Variants in RBFOX1 observed in about 807,000 individuals in gnomAD.
RBFOX1 encodes RNA binding fox-1 homolog 1, also known as RNA binding protein fox-1 homolog 1.
RBFOX1 carries 8 observed loss-of-function variants against 57.7 expected under a neutral mutation model. The ratio of observed to expected loss-of-function variants is 0.14; its 90% confidence interval spans 0.08 to 0.25. The LOEUF (loss-of-function observed/expected upper bound fraction) is 0.25, where lower values mean the gene tolerates loss of function less well. Ranked by LOEUF, RBFOX1 falls within the 10% of genes least tolerant of loss-of-function variation. The pLI is 1.00. For missense variants in RBFOX1, 611 were observed against 548.5 expected (o/e 1.11, Z -1.14); for synonymous variants, 326 against 222.4 (o/e 1.47, Z -4.15).
intron 15 of RBFOX1, 65 bp downstream of exon 15, chr16:7,709,196 C>T (rs2083457916): frequency 9.0e-6 from 13 of 1,452,170 alleles, no homozygotes; most frequent in African/African-American, 5.6e-5. Flanking sequence ...CAGCTGGGAC[C>T]TCAGTACGGG....
intron 4 of RBFOX1, among the ~76,000 whole-genome samples, chr16:5,994,908 G>C (rs552833219): frequency 1.8e-4 from 27 of 152,298 alleles, no homozygotes; most frequent in Admixed American, 2.6e-4. Context: ...TCAGTGTCAT[G>C]AACAGATCAA....
chr16:5,818,789 A>G (rs910810060), intron 3 of RBFOX1, among the ~76,000 whole-genome samples: 9 of 152,232 alleles, frequency 5.9e-5, no homozygotes, highest in East Asian at 1.9e-4. Context: ...TGAGCATTGG[A>G]TCCCTGTGTC....
At chr16:6,173,840 C>T (rs180781366) in intron 1 of RBFOX1, among the ~76,000 whole-genome samples, 1 of 152,006 alleles carries the variant, frequency 6.6e-6, no homozygotes, top group Admixed American at 6.6e-5. Flanking sequence ...GAACTCCTGG[C>T]CTGAAGTGAT....
At chr16:5,767,416 G>A (rs890595845) in intron 3 of RBFOX1, among the ~76,000 whole-genome samples, 2 of 152,210 alleles carry the variant, frequency 1.3e-5, no homozygotes, top group African/African-American at 2.4e-5. Context: ...AAGGTTGGTA[G>A]CTGAATTGCC....
intron 3 of RBFOX1, among the ~76,000 whole-genome samples, chr16:7,045,481 T>C (rs1308810614): frequency 6.6e-6 from 1 of 152,172 alleles, no homozygotes. Flanking sequence ...TACTGTTGGA[T>C]TTTGCATTGT....
intron 4 of RBFOX1, among the ~76,000 whole-genome samples, chr16:5,961,892 C>A (rs963585224): frequency 6.6e-6 from 1 of 152,076 alleles, no homozygotes; most frequent in South Asian, 2.1e-4. Context: ...GGAGAAACTC[C>A]AAATAACAGT....
At chr16:6,182,962 G>A (rs369218538) in intron 1 of RBFOX1, among the ~76,000 whole-genome samples, 34 of 152,206 alleles carry the variant, frequency 2.2e-4, no homozygotes, top group Admixed American at 3.9e-4. Context: ...AGTATGGGGC[G>A]AAGGATGAAA....
intron 4 of RBFOX1, among the ~76,000 whole-genome samples, chr16:7,096,688 T>G (rs953989188): frequency 1.3e-5 from 2 of 151,868 alleles, no homozygotes; most frequent in Admixed American, 1.3e-4. Context: ...TCCCAGCACT[T>G]TGGGAGGCTG....
Position 7,317,373 on chromosome 16 carries a change from T to C in RBFOX1, c.28-200774T>C, listed in dbSNP as rs138181485. ...AGTGAGTGACAGGCCAGTCTCAGCA[T>C]ATCTTAGGCCAAAGCTCCCAGAGCT... On this transcript the variant is annotated intron_variant, in intron 4 of 15. Coordinates refer to ENST00000550418, the MANE Select transcript of RBFOX1 (RefSeq NM_018723.4). Among the ~76,000 whole-genome samples, 11 of 152,204 alleles carry C rather than the reference T, an allele frequency of 7.2e-5. No individual in the cohort carries two copies. In the East Asian group the frequency reaches 1.9e-3, roughly 27 times the overall value.
At chr16:5,921,035 C>T (rs1235117025) in intron 4 of RBFOX1, among the ~76,000 whole-genome samples, 1 of 152,174 alleles carries the variant, frequency 6.6e-6, no homozygotes, top group Non-Finnish European at 1.5e-5. Flanking sequence ...CTAATTCCTG[C>T]TCCGTCTCTG....
chr16:7,217,378 C>G (rs964427587), intron 4 of RBFOX1, among the ~76,000 whole-genome samples: 2 of 147,866 alleles, frequency 1.4e-5, no homozygotes, highest in East Asian at 2.0e-4. Context: ...TGATGTCCAC[C>G]TTGGCCTCCC....
At chr16:5,620,931 C>T (rs2048182452) in intron 3 of RBFOX1, among the ~76,000 whole-genome samples, 2 of 151,272 alleles carry the variant, frequency 1.3e-5, no homozygotes, top group East Asian at 3.9e-4. Flanking sequence ...AGTTCCGCCT[C>T]CCGGGTTCCT....
chr16:5,704,130 C>G (rs898173077), intron 3 of RBFOX1, among the ~76,000 whole-genome samples: 2 of 152,104 alleles, frequency 1.3e-5, no homozygotes, highest in Admixed American at 6.6e-5. Context: ...GGCACATCCA[C>G]TGAGGACATG....
intron 3 of RBFOX1, among the ~76,000 whole-genome samples, chr16:7,025,931 C>G (rs1020085171): frequency 6.6e-6 from 1 of 151,958 alleles, no homozygotes; most frequent in Non-Finnish European, 1.5e-5. Context: ...CTCGGGAGCT[C>G]CCACCTGGCC....
intron 4 of RBFOX1, among the ~76,000 whole-genome samples, chr16:7,464,159 A>G (rs533772612): frequency 1.3e-5 from 2 of 152,272 alleles, no homozygotes; most frequent in East Asian, 1.9e-4. Flanking sequence ...AGATAGGGTT[A>G]CATTATTCAC....
intron 4 of RBFOX1, among the ~76,000 whole-genome samples, chr16:7,516,031 G>T (rs1293997673): frequency 1.3e-5 from 2 of 152,212 alleles, no homozygotes; most frequent in East Asian, 3.9e-4. Context: ...TTTTAGTAGA[G>T]GCAGGGTTTC....
intron 1 of RBFOX1, among the ~76,000 whole-genome samples, chr16:6,198,679 G>C (rs1049415597): frequency 6.6e-6 from 1 of 152,172 alleles, no homozygotes; most frequent in East Asian, 1.9e-4. Context: ...TTAAAAGTTG[G>C]TGGTGATTGA....
Position 5,946,778 on chromosome 16 carries a change from C to A in RBFOX1, c.351+79443C>A, listed in dbSNP as rs780569307. 3.3e-5 allele frequency among the ~76,000 whole-genome samples: 5 copies of A among 152,132 alleles called. No individual in the cohort carries two copies. Among genetic ancestry groups the A allele is most frequent in the Non-Finnish European group, 7.4e-5 (5 of 68,016 alleles). ...CAACCTGTGGAATCTGATTCTAACT[C>A]CAGGTGGATCATGTCAGAATTGAAC... On this transcript the variant is annotated intron_variant, in intron 4 of 19. Transcript: ENST00000641259. This position sits in a 1 kb window ranked among gnomAD's most constrained non-coding sequence, Gnocchi z 4.6.
At chr16:6,175,592 C>G (rs550601330) in intron 1 of RBFOX1, among the ~76,000 whole-genome samples, 1 of 152,110 alleles carries the variant, frequency 6.6e-6, no homozygotes. Flanking sequence ...GCTGTAGGAA[C>G]TAGTGTTTCC....
Sources: gnomAD v4.1 joint callset for allele counts (sites outside exome capture counted in the v4.1 genomes callset) on GRCh38, gnomAD v4.1.1 for gene constraint, Gnocchi (gnomAD v3.1) non-coding constraint, MANE v1.5 for transcripts, NCBI Gene and HGNC (gene_info 2026-07-23, HGNC 2026-07-21) for gene names.